NPSR1: variants seen among roughly 807,000 people sequenced by gnomAD.
The protein encoded by NPSR1 is neuropeptide S receptor 1, also known as neuropeptide S receptor.
Under a neutral mutation model 46.9 loss-of-function variants are expected in NPSR1, and 48 were observed. That is an observed-to-expected ratio of 1.02 (90% CI 0.81 to 1.30). NPSR1 has a LOEUF of 1.30. NPSR1 is among the 50% of genes most tolerant of loss of function. The probability of loss-of-function intolerance (pLI) is 0.00; values close to 1 mark genes in which losing one functional copy is unlikely to be tolerated. For synonymous variants in NPSR1, 176 were observed against 168.1 expected (o/e 1.05, Z -0.36); for missense variants, 450 against 449.5 (o/e 1.00, Z -0.01).
intron 1 of NPSR1, among the ~76,000 whole-genome samples, chr7:34,678,825 C>CAAAAAA (rs61537015): frequency 0.17 from 23,359 of 138,880 alleles, 2,742 homozygotes; most frequent in African/African-American, 0.35. Flanking sequence ...GACTCTGTCT[C>CAAAAAA]AAAAAAAAGA....
At chr7:34,671,715 T>C (rs988933775) in intron 1 of NPSR1, among the ~76,000 whole-genome samples, 1 of 152,202 alleles carries the variant, frequency 6.6e-6, no homozygotes, top group East Asian at 1.9e-4. Context: ...GGAATCCTTC[T>C]GCTGAGCCTC....
chr7:34,777,061 A>G (rs190077257), intron 2 of NPSR1, among the ~76,000 whole-genome samples: 54 of 151,748 alleles, frequency 3.6e-4, no homozygotes, highest in African/African-American at 1.3e-3. Flanking sequence ...TAGTGCCAGA[A>G]CTCCCTTAGC....
At chr7:34,857,284 C>T (rs1283960056) in intron 8 of NPSR1, among the ~76,000 whole-genome samples, 1 of 151,322 alleles carries the variant, frequency 6.6e-6, no homozygotes, top group African/African-American at 2.4e-5. Flanking sequence ...TATGGAAATG[C>T]AAAGGGCCAA....
chr7:34,677,093 G>A (rs1258324967), intron 1 of NPSR1, among the ~76,000 whole-genome samples: 1 of 152,188 alleles, frequency 6.6e-6, no homozygotes, highest in African/African-American at 2.4e-5. Context: ...TCAAACCAGG[G>A]TGATTTGATA....
At chr7:34,823,395 A>G (rs1178497068) in intron 4 of NPSR1, among the ~76,000 whole-genome samples, 2 of 128,602 alleles carry the variant, frequency 1.6e-5, no homozygotes, top group African/African-American at 3.3e-5. Flanking sequence ...GCAAGACTTC[A>G]CCAGAAAAAA....
chr7:34,770,031 C>T lies in NPSR1; in HGVS notation c.281-8431C>T, dbSNP rs548231309. ...TTTGCTTAATAGCAACTAACAAATG[C>T]GGTGGCAGAATTCCACTGATAGTCT... is the stretch of plus-strand genomic sequence containing the variant. On this transcript the variant is annotated intron_variant, in intron 2 of 8. Transcript: ENST00000360581. Among the ~76,000 whole-genome samples, 6 of 152,246 alleles carry T rather than the reference C, an allele frequency of 3.9e-5. No individual in the cohort carries two copies. In the South Asian group the frequency reaches 1.0e-3, roughly 26 times the overall value.
At chr7:34,669,357 G>T (rs925222746) in intron 1 of NPSR1, among the ~76,000 whole-genome samples, 3 of 152,146 alleles carry the variant, frequency 2.0e-5, no homozygotes, top group Non-Finnish European at 4.4e-5. Flanking sequence ...GAGGTCAGGA[G>T]TTTGAGACCA....
chr7:34,688,890 C>T (rs780824967), intron 2 of NPSR1, among the ~76,000 whole-genome samples: 1 of 152,162 alleles, frequency 6.6e-6, no homozygotes, highest in Non-Finnish European at 1.5e-5. Context: ...TCTCTGCACT[C>T]GATGCCCAGA....
At chr7:34,746,571 G>A (rs192253023) in intron 2 of NPSR1, among the ~76,000 whole-genome samples, 37 of 152,208 alleles carry the variant, frequency 2.4e-4, no homozygotes, top group African/African-American at 8.9e-4. Context: ...TAATATTTTT[G>A]CTTCTTAACC....
At chr7:34,848,892 G>T (rs540371179) in intron 8 of NPSR1, among the ~76,000 whole-genome samples, 28 of 152,250 alleles carry the variant, frequency 1.8e-4, no homozygotes, top group Admixed American at 1.6e-3. Context: ...TATAGAAACC[G>T]CCTTAATCAT....
At chr7:34,858,306 T>C (rs1408554632) in intron 8 of NPSR1, among the ~76,000 whole-genome samples, 2 of 151,692 alleles carry the variant, frequency 1.3e-5, no homozygotes, top group Non-Finnish European at 2.9e-5. Context: ...AGCAGTAGAA[T>C]AGATAAATAA....
intron 8 of NPSR1, among the ~76,000 whole-genome samples, chr7:34,866,977 C>A (rs867962587): frequency 6.6e-6 from 1 of 151,526 alleles, no homozygotes; most frequent in East Asian, 1.9e-4. Context: ...AGAACTAAAG[C>A]CAGGCCTCAG....
In NPSR1 at chr7:34,790,742, AT is replaced by A. The variant is rs1562729326; in HGVS notation, c.384+12178del. 1.3e-3 allele frequency among the ~76,000 whole-genome samples: 154 copies of A among 119,406 alleles called. 1 individual carries two copies. Among genetic ancestry groups the A allele is most frequent in the African/African-American group, 4.5e-3 (132 of 29,322 alleles). The allele number at this position is 119,406 out of a possible 152,430, so 78.3% of individuals were successfully genotyped here. ...ATATATGTTATATGTTATATGTTAT[AT>A]ATAATATATGTTATATGTTATATAT... On this transcript the variant is annotated intron_variant, in intron 3 of 8. Transcript: ENST00000360581.
intron 2 of NPSR1, among the ~76,000 whole-genome samples, chr7:34,725,925 T>C (rs1784125169): frequency 6.6e-6 from 1 of 152,172 alleles, no homozygotes; most frequent in Non-Finnish European, 1.5e-5. Context: ...CTGATGGTTT[T>C]ATAAATGGGA....
intron 2 of NPSR1, among the ~76,000 whole-genome samples, chr7:34,760,675 A>G (rs532527219): frequency 2.0e-5 from 3 of 152,336 alleles, no homozygotes; most frequent in South Asian, 2.1e-4. Context: ...AACCCATCAT[A>G]TTTTATTTTG....
intron 2 of NPSR1, among the ~76,000 whole-genome samples, chr7:34,706,557 T>C (rs553132866): frequency 6.6e-6 from 1 of 152,256 alleles, no homozygotes; most frequent in East Asian, 1.9e-4. Flanking sequence ...TATGAAAAGT[T>C]TTAAAACATT....
rs547358351 is a variant in NPSR1, at chr7:34,826,776, C to T, written c.479-625C>T. On this transcript the variant is annotated intron_variant, in intron 4 of 8. Coordinates refer to ENST00000360581, the MANE Select transcript of NPSR1 (RefSeq NM_207172.2). ...AGGTCAGAATATTGCAACTAAAGTC[C>T]AGTGTGCAGACATAGCTACCAGGTT... Among the ~76,000 whole-genome samples, 67 of 151,944 alleles carry T rather than the reference C, an allele frequency of 4.4e-4. 1 individual carries two copies. The South Asian group carries it at 0.014, about 31-fold the overall frequency.
chr7:34,731,535 C>T (rs563566226), intron 2 of NPSR1, among the ~76,000 whole-genome samples: 2 of 152,074 alleles, frequency 1.3e-5, no homozygotes, highest in Non-Finnish European at 2.9e-5. Context: ...TCTAATTATT[C>T]CACCAATATG....
At chr7:34,791,472 A>C (rs926237523) in intron 3 of NPSR1, among the ~76,000 whole-genome samples, 9 of 151,078 alleles carry the variant, frequency 6.0e-5, no homozygotes, top group Admixed American at 2.7e-4. Flanking sequence ...AACTCCAAAA[A>C]GAATAAAATA....
Sources: gnomAD v4.1 joint callset for allele counts (sites outside exome capture counted in the v4.1 genomes callset) on GRCh38, gnomAD v4.1.1 for gene constraint, MANE v1.5 for transcripts, NCBI Gene and HGNC (gene_info 2026-07-23, HGNC 2026-07-21) for gene names.